The following CNOT4 variants were observed in gnomAD, a reference collection of about 807,000 sequenced individuals.
CNOT4 encodes the protein CCR4-associated factor 4.
Under a neutral mutation model 73.8 loss-of-function variants are expected in CNOT4, and 8 were observed. That is an observed-to-expected ratio of 0.11 (90% CI 0.06 to 0.20). The LOEUF is 0.20. Ranked by LOEUF, CNOT4 falls within the 10% of genes least tolerant of loss-of-function variation. The probability of loss-of-function intolerance (pLI) is 1.00; values close to 1 mark genes in which losing one functional copy is unlikely to be tolerated. For synonymous variants in CNOT4, 293 were observed against 321.1 expected, an observed-to-expected ratio of 0.91 and a Z score of 0.94; for missense variants, 564 against 883.4, an observed-to-expected ratio of 0.64 and a Z score of 4.58.
At chr7:135,418,734 T>C (rs988312967) in intron 3 of CNOT4, among the ~76,000 whole-genome samples, 2 of 152,208 alleles carry the variant, frequency 1.3e-5, no homozygotes, top group Non-Finnish European at 2.9e-5. Flanking sequence ...GGTTATCACA[T>C]ATACCCAGGG....
chr7:135,504,985 C>T (rs1208861913), intron 1 of CNOT4, among the ~76,000 whole-genome samples: 1 of 151,964 alleles, frequency 6.6e-6, no homozygotes, highest in Non-Finnish European at 1.5e-5. Context: ...GCTTTTTTGC[C>T]TTGACCTTTT....
intron 1 of CNOT4, among the ~76,000 whole-genome samples, chr7:135,453,333 CTT>C (rs1800292867): frequency 6.6e-6 from 1 of 152,074 alleles, no homozygotes; most frequent in African/African-American, 2.4e-5. Flanking sequence ...GCAACCACTT[CTT>C]TAGCCAAACT....
intron 1 of CNOT4, among the ~76,000 whole-genome samples, chr7:135,508,553 T>C (rs1197977832): frequency 1.3e-5 from 2 of 152,216 alleles, no homozygotes; most frequent in Admixed American, 6.5e-5. Flanking sequence ...GACAAGACAA[T>C]TTATTCTGAT....
At chr7:135,374,781 C>G (rs1185899788) in intron 10 of CNOT4, among the ~76,000 whole-genome samples, 1 of 152,110 alleles carries the variant, frequency 6.6e-6, no homozygotes, top group African/African-American at 2.4e-5. Flanking sequence ...ATACCAAATC[C>G]AAACACATAC....
intron 1 of CNOT4, among the ~76,000 whole-genome samples, chr7:135,450,685 GAT>G (rs1468686893): frequency 6.6e-6 from 1 of 152,194 alleles, no homozygotes; most frequent in African/African-American, 2.4e-5. Flanking sequence ...GGTAAGGAAA[GAT>G]GTGGTAAAAA....
intron 10 of CNOT4, among the ~76,000 whole-genome samples, chr7:135,383,902 G>T: frequency 5.3e-5 from 8 of 152,086 alleles, no homozygotes; most frequent in African/African-American, 1.7e-4. Context: ...TGGTCTTCTT[G>T]AATGTCTCTA....
chr7:135,476,784 C>A (rs1055941388), intron 1 of CNOT4, among the ~76,000 whole-genome samples: 6 of 152,124 alleles, frequency 3.9e-5, no homozygotes, highest in Admixed American at 3.9e-4. Context: ...CCAGCCTGGG[C>A]AATACAGCGA....
intron 10 of CNOT4, chr7:135,388,597 T>G: frequency 8.5e-7 from 1 of 1,183,326 alleles, no homozygotes; most frequent in Non-Finnish European, 1.1e-6. Flanking sequence ...ATTATTACAC[T>G]AATAAATTAT....
chr7:135,420,056 T>C (rs1334023035), intron 3 of CNOT4, among the ~76,000 whole-genome samples: 1 of 35,918 alleles, frequency 2.8e-5, no homozygotes, highest in East Asian at 7.6e-4. Flanking sequence ...ACAAAAACCC[T>C]CTTATAAATC....
intron 3 of CNOT4, among the ~76,000 whole-genome samples, chr7:135,419,852 A>T (rs925567743): frequency 4.0e-5 from 6 of 150,820 alleles, no homozygotes; most frequent in African/African-American, 1.5e-4. Flanking sequence ...AGACCAGCCT[A>T]GTCAACATGG....
intron 1 of CNOT4, among the ~76,000 whole-genome samples, chr7:135,504,024 T>G (rs1201147330): frequency 6.6e-6 from 1 of 152,134 alleles, no homozygotes; most frequent in Non-Finnish European, 1.5e-5. Context: ...TTTAGAAAAT[T>G]CACAATCTGA....
Position 135,430,086 on chromosome 7 carries a change from T to C in CNOT4, c.175-7733A>G, listed in dbSNP as rs545751301. On this transcript the variant is annotated intron_variant, in intron 2 of 11. Coordinates refer to ENST00000541284, the MANE Select transcript of CNOT4 (RefSeq NM_001190850.2). ...TAGTAGAGTCCATGCCAATCATGAATTTAGAAAAGAAATAAAAAAAGAATA... is the reference window on the plus strand; with the variant it reads ...TAGTAGAGTCCATGCCAATCATGAACTTAGAAAAGAAATAAAAAAAGAATA... Among the ~76,000 whole-genome samples, 44 of 152,268 alleles carry C rather than the reference T, an allele frequency of 2.9e-4. No homozygotes were observed. In the East Asian group the frequency reaches 6.4e-3, roughly 22 times the overall value.
At chr7:135,388,224 A>T in intron 10 of CNOT4, 1 of 985,162 alleles carries the variant, frequency 1.0e-6, no homozygotes, top group Non-Finnish European at 1.2e-6. Context: ...GAGAGAGAAC[A>T]AAACAGTTTC....
chr7:135,450,005 T>G (rs1255266486), intron 1 of CNOT4, among the ~76,000 whole-genome samples: 2 of 152,156 alleles, frequency 1.3e-5, no homozygotes, highest in Non-Finnish European at 2.9e-5. Flanking sequence ...GATTTCATCA[T>G]AGCATTTGTT....
intron 10 of CNOT4, among the ~76,000 whole-genome samples, chr7:135,372,608 G>A (rs1399265420): frequency 6.6e-6 from 1 of 150,578 alleles, no homozygotes; most frequent in African/African-American, 2.4e-5. Flanking sequence ...TCAGCCTGGA[G>A]GGCAATGGTG....
chr7:135,457,546 T>C lies in CNOT4; in HGVS notation c.-92-19123A>G, dbSNP rs546459181. 2.0e-5 allele frequency among the ~76,000 whole-genome samples: 3 copies of C among 152,214 alleles called. No individual in the cohort carries two copies. In the East Asian group the frequency reaches 5.8e-4, roughly 29 times the overall value. On this transcript the variant is annotated intron_variant, in intron 1 of 11. Coordinates refer to ENST00000541284, the MANE Select transcript of CNOT4 (RefSeq NM_001190850.2). Reference sequence around the variant, plus strand: ...CAGCCTATTTAAACTTTAAGAATAATAAATTAATAGGATTTTGAGATAAGT... The same window carrying C: ...CAGCCTATTTAAACTTTAAGAATAACAAATTAATAGGATTTTGAGATAAGT...
chr7:135,495,752 AAGAAAG>A (rs1563083622), intron 1 of CNOT4, among the ~76,000 whole-genome samples: 7 of 131,470 alleles, frequency 5.3e-5, no homozygotes, highest in African/African-American at 1.9e-4. Flanking sequence ...GAAAGAAAGA[AAGAAAG>A]AAAGAAATTT....
rs373955282 is a variant in CNOT4 at position 135,471,948 on chromosome 7, G to A, written c.-92-33525C>T. Among the ~76,000 whole-genome samples, 17 of 150,218 alleles carry A rather than the reference G, an allele frequency of 1.1e-4. No homozygotes were observed. In the East Asian group the frequency reaches 1.8e-3, roughly 16 times the overall value. Reference sequence around the variant, plus strand: ...AGCATTTTGGGAGGCCAAGGCAGGCGGATCACTTGAGCTCAGGAGTTCCAG... The same window carrying A: ...AGCATTTTGGGAGGCCAAGGCAGGCAGATCACTTGAGCTCAGGAGTTCCAG... On this transcript the variant is annotated intron_variant, in intron 1 of 11. Transcript: ENST00000541284.
chr7:135,403,181 C>T (rs529606867), intron 7 of CNOT4, among the ~76,000 whole-genome samples: 39 of 152,138 alleles, frequency 2.6e-4, no homozygotes, highest in Non-Finnish European at 4.9e-4. Flanking sequence ...GTCATGTTAC[C>T]ATATATACAA....
Sources: allele counts gnomAD v4.1 joint callset (sites outside exome capture counted in the v4.1 genomes callset), GRCh38; gene constraint gnomAD v4.1.1; transcripts MANE v1.5; gene names NCBI Gene and HGNC (gene_info 2026-07-23, HGNC 2026-07-21).